The following SHISA6 variants were observed in gnomAD, a reference collection of about 807,000 sequenced individuals.
SHISA6 encodes the protein protein shisa-6.
SHISA6 carries 22 observed loss-of-function variants against 47.9 expected under a neutral mutation model. The ratio of observed to expected loss-of-function variants is 0.46; its 90% CI spans 0.33 to 0.66. The LOEUF (loss-of-function observed/expected upper bound fraction) is 0.66. Ranked by LOEUF, SHISA6 falls within the 30% of genes least tolerant of loss-of-function variation. The pLI is 0.02. For missense variants in SHISA6, 680 were observed against 764.6 expected, an observed-to-expected ratio of 0.89 and a Z score of 1.30; for synonymous variants, 388 against 337.8, an observed-to-expected ratio of 1.15 and a Z score of -1.63.
chr17:11,459,886 C>T (rs1318641645), intron 3 of SHISA6, among the ~76,000 whole-genome samples: 1 of 152,166 alleles, frequency 6.6e-6, no homozygotes, highest in Non-Finnish European at 1.5e-5. Flanking sequence ...TGCAGAGAGC[C>T]CCAGCTGTTT....
chr17:11,387,615 C>G (rs971382943), intron 3 of SHISA6, among the ~76,000 whole-genome samples: 1 of 152,070 alleles, frequency 6.6e-6, no homozygotes, highest in Non-Finnish European at 1.5e-5. Context: ...CATAAGAGAG[C>G]AGGACAAGGG....
At chr17:11,255,557 A>G (rs572208988) in intron 1 of SHISA6, among the ~76,000 whole-genome samples, 129 of 152,220 alleles carry the variant, frequency 8.5e-4, no homozygotes, top group Non-Finnish European at 1.0e-3. Context: ...AAGCAAATCC[A>G]TGGTGACCTG....
At chr17:11,509,039 TC>T (rs34009494) in intron 3 of SHISA6, among the ~76,000 whole-genome samples, 1 of 106,144 alleles carries the variant, frequency 9.4e-6, no homozygotes, top group African/African-American at 3.5e-5. Context: ...TATAAAATCC[TC>T]CCTGGAAGGT....
intron 3 of SHISA6, among the ~76,000 whole-genome samples, chr17:11,505,867 G>A (rs537994653): frequency 6.6e-6 from 1 of 152,310 alleles, no homozygotes; most frequent in South Asian, 2.1e-4. Flanking sequence ...AATGCAAGAG[G>A]AAATGGAGAA....
intron 3 of SHISA6, among the ~76,000 whole-genome samples, chr17:11,429,620 T>TAAA (rs34738346): frequency 8.2e-6 from 1 of 121,568 alleles, no homozygotes; most frequent in African/African-American, 3.1e-5. Context: ...CATCTCTACT[T>TAAA]AAAAAAAAAA....
At chr17:11,246,218 C>T (rs528476669) in intron 1 of SHISA6, among the ~76,000 whole-genome samples, 4 of 152,142 alleles carry the variant, frequency 2.6e-5, no homozygotes, top group South Asian at 2.1e-4. Context: ...TCGCCGGGTG[C>T]GGTGGCTCAC....
At chr17:11,387,065 C>T (rs535468264) in intron 3 of SHISA6, among the ~76,000 whole-genome samples, 102 of 152,252 alleles carry the variant, frequency 6.7e-4, no homozygotes, top group Middle Eastern at 3.4e-3. Context: ...GAGCTCGAAC[C>T]GGCACAGCTC....
At chr17:11,274,182 G>A (rs555884737) in intron 2 of SHISA6, among the ~76,000 whole-genome samples, 2 of 152,266 alleles carry the variant, frequency 1.3e-5, no homozygotes, top group Admixed American at 1.3e-4. Flanking sequence ...GAGGCAGCCC[G>A]AATTGGGGAC....
chr17:11,532,719 C>T (rs2071746179), intron 3 of SHISA6, among the ~76,000 whole-genome samples: 1 of 147,758 alleles, frequency 6.8e-6, no homozygotes, highest in African/African-American at 2.5e-5. Context: ...GAGCCCATGC[C>T]TTTCCCCATT....
intron 2 of SHISA6, among the ~76,000 whole-genome samples, chr17:11,341,849 T>C (rs534322874): frequency 2.6e-5 from 4 of 152,318 alleles, no homozygotes; most frequent in African/African-American, 9.6e-5. Flanking sequence ...TAACAGATTA[T>C]CAGGAGGAAG....
At chr17:11,253,418 G>C (rs916075543) in intron 1 of SHISA6, among the ~76,000 whole-genome samples, 8 of 152,074 alleles carry the variant, frequency 5.3e-5, no homozygotes, top group Non-Finnish European at 1.2e-4. Context: ...GAGAAGGTTA[G>C]ATTGTTTACA....
chr17:11,308,345 A>G (rs545007858), intron 2 of SHISA6, among the ~76,000 whole-genome samples: 1 of 152,198 alleles, frequency 6.6e-6, no homozygotes, highest in South Asian at 2.1e-4. Context: ...CCCTAAACAC[A>G]CAAACATCTG....
chr17:11,472,846 T>C (rs1222980382), intron 3 of SHISA6, among the ~76,000 whole-genome samples: 1 of 152,212 alleles, frequency 6.6e-6, no homozygotes, highest in Non-Finnish European at 1.5e-5. Context: ...GTGCTGTCAC[T>C]GTTCCAGATT....
intron 2 of SHISA6, among the ~76,000 whole-genome samples, chr17:11,287,192 G>C (rs1267691560): frequency 6.6e-6 from 1 of 150,398 alleles, no homozygotes; most frequent in East Asian, 2.0e-4. Flanking sequence ...ACCAGGAATT[G>C]GAGGCTGTAG....
chr17:11,431,234 C>T (rs563630578), intron 3 of SHISA6, among the ~76,000 whole-genome samples: 31 of 152,286 alleles, frequency 2.0e-4, no homozygotes, highest in Admixed American at 6.5e-5. Flanking sequence ...TGTACTTCCT[C>T]GCTGCTGCTG....
chr17:11,327,861 G>C (rs887056038), intron 2 of SHISA6, among the ~76,000 whole-genome samples: 1 of 151,974 alleles, frequency 6.6e-6, no homozygotes, highest in African/African-American at 2.4e-5. Flanking sequence ...TTAAACTGCT[G>C]ACAAAAGGCA....
rs142365985 is a variant in SHISA6, at chr17:11,543,042, A to C, written c.896-8854A>C. Reference sequence around the variant, plus strand: ...TCTACCTAAGATCTCATTAGAAGAAACAGTTCCACTGGTAATAAATTTAAA... The same window carrying C: ...TCTACCTAAGATCTCATTAGAAGAACCAGTTCCACTGGTAATAAATTTAAA... On this transcript the variant is annotated intron_variant, in intron 3 of 5. Transcript: ENST00000441885. Among the ~76,000 whole-genome samples the C allele has an allele frequency of 1.5e-3, 225 of 152,342 alleles. 1 individual carries two copies. The highest frequency in any genetic ancestry group is 3.0e-3 in the Non-Finnish European group (204 of 68,026).
chr17:11,530,222 A>G (rs1465442121), intron 3 of SHISA6, among the ~76,000 whole-genome samples: 1 of 152,202 alleles, frequency 6.6e-6, no homozygotes, highest in East Asian at 1.9e-4. Context: ...ACACCATTGA[A>G]ATGGAAACAA....
intron 2 of SHISA6, among the ~76,000 whole-genome samples, chr17:11,301,256 A>C (rs908312872): frequency 2.0e-5 from 3 of 152,070 alleles, no homozygotes; most frequent in East Asian, 3.9e-4. Flanking sequence ...TTGAAGTTGC[A>C]CTGTTTATCT....
Sources: gnomAD v4.1 joint callset for allele counts (sites outside exome capture counted in the v4.1 genomes callset) on GRCh38, gnomAD v4.1.1 for gene constraint, MANE v1.5 for transcripts, NCBI Gene and HGNC (gene_info 2026-07-23, HGNC 2026-07-21) for gene names.